The following RAB3C variants were observed in gnomAD, a reference collection of about 807,000 sequenced individuals.
RAB3C encodes ras-related protein Rab-3C.
In RAB3C, 17 loss-of-function variants were observed where a neutral mutation model predicts 26.4. The observed-to-expected ratio is 0.64, with a 90% CI of 0.44 to 0.97. The LOEUF (loss-of-function observed/expected upper bound fraction) is 0.97. RAB3C is among the 50% of genes least tolerant of loss of function. The probability of loss-of-function intolerance (pLI) is 0.00; values close to 1 mark genes in which losing one functional copy is unlikely to be tolerated. For missense variants in RAB3C, 242 were observed against 281.9 expected, an observed-to-expected ratio of 0.86 and a Z score of 1.01; for synonymous variants, 91 against 95.9, an observed-to-expected ratio of 0.95 and a Z score of 0.30.
intron 3 of RAB3C, among the ~76,000 whole-genome samples, chr5:58,816,765 C>T (rs762195167): frequency 5.9e-5 from 9 of 152,074 alleles, no homozygotes; most frequent in Admixed American, 1.3e-4. Flanking sequence ...TTTAAAAGCC[C>T]GTATCAGAAT....
intron 2 of RAB3C, among the ~76,000 whole-genome samples, chr5:58,648,008 T>A (rs1747563745): frequency 6.6e-6 from 1 of 152,246 alleles, no homozygotes; most frequent in Non-Finnish European, 1.5e-5. Flanking sequence ...TTTTAGATTA[T>A]AAAAACCACA....
At chr5:58,835,788 G>C (rs1307341423) in intron 4 of RAB3C, among the ~76,000 whole-genome samples, 4 of 152,128 alleles carry the variant, frequency 2.6e-5, no homozygotes, top group Non-Finnish European at 5.9e-5. Context: ...ATTAAAGTCA[G>C]ATATAAGAAA....
At chr5:58,649,772 C>G (rs566801689) in intron 2 of RAB3C, among the ~76,000 whole-genome samples, 1 of 152,066 alleles carries the variant, frequency 6.6e-6, no homozygotes, top group Non-Finnish European at 1.5e-5. Context: ...TCTGGGTGAC[C>G]AATATTATCT....
intron 2 of RAB3C, among the ~76,000 whole-genome samples, chr5:58,720,535 T>C (rs1561299868): frequency 6.6e-6 from 1 of 151,878 alleles, no homozygotes; most frequent in African/African-American, 2.4e-5. Context: ...ATTTATTCTA[T>C]TTCACTTCTT....
At chr5:58,756,347 T>TATATATA (rs1554051232) in intron 3 of RAB3C, among the ~76,000 whole-genome samples, 1 of 136,276 alleles carries the variant, frequency 7.3e-6, no homozygotes, top group African/African-American at 3.0e-5. Context: ...CATATATATG[T>TATATATA]TATATATATA....
chr5:58,760,130 G>C (rs898132475), intron 3 of RAB3C, among the ~76,000 whole-genome samples: 5 of 152,106 alleles, frequency 3.3e-5, no homozygotes, highest in African/African-American at 1.2e-4. Context: ...CCATTCACTA[G>C]ATCATGATGG....
At chr5:58,767,588 C>G (rs550307492) in intron 3 of RAB3C, among the ~76,000 whole-genome samples, 1 of 152,206 alleles carries the variant, frequency 6.6e-6, no homozygotes, top group South Asian at 2.1e-4. Context: ...AACATTTCCT[C>G]TTTTTTTGGC....
chr5:58,655,340 A>C (rs1204332637), intron 2 of RAB3C, among the ~76,000 whole-genome samples: 1 of 152,242 alleles, frequency 6.6e-6, no homozygotes, highest in Non-Finnish European at 1.5e-5. Flanking sequence ...AAAAACAAAG[A>C]TGGGACAAGT....
intron 1 of RAB3C, among the ~76,000 whole-genome samples, chr5:58,609,500 G>A (rs1746649063): frequency 6.6e-6 from 1 of 152,104 alleles, no homozygotes; most frequent in Admixed American, 6.6e-5. Context: ...TACATGTAAA[G>A]CACATAGAGC....
At chr5:58,655,310 A>AGT (rs1747744367) in intron 2 of RAB3C, among the ~76,000 whole-genome samples, 1 of 152,384 alleles carries the variant, frequency 6.6e-6, no homozygotes, top group South Asian at 2.1e-4. Context: ...AAGGTTTTGC[A>AGT]GTGACCAATG....
At chr5:58,684,290 G>C (rs1748402763) in intron 2 of RAB3C, among the ~76,000 whole-genome samples, 1 of 152,174 alleles carries the variant, frequency 6.6e-6, no homozygotes, top group Non-Finnish European at 1.5e-5. Flanking sequence ...ACTTGAGCCT[G>C]TACAGATTTC....
At chr5:58,638,411 G>C (rs5011219) in intron 2 of RAB3C, among the ~76,000 whole-genome samples, 17,811 of 151,462 alleles carry the variant, frequency 0.12, 1,337 homozygotes, top group Non-Finnish European at 0.16. Flanking sequence ...TTTGCATTTT[G>C]TTTATGGCAT....
At chr5:58,844,678 G>A (rs1434695709) in intron 4 of RAB3C, among the ~76,000 whole-genome samples, 1 of 152,008 alleles carries the variant, frequency 6.6e-6, no homozygotes, top group African/African-American at 2.4e-5. Flanking sequence ...ACTAGAATCT[G>A]GAAAAAGAAG....
At chr5:58,644,129 T>C (rs1344328209) in intron 2 of RAB3C, among the ~76,000 whole-genome samples, 2 of 152,222 alleles carry the variant, frequency 1.3e-5, no homozygotes, top group East Asian at 3.9e-4. Context: ...CGAGCAATAC[T>C]GGTTTTATTT....
intron 2 of RAB3C, among the ~76,000 whole-genome samples, chr5:58,707,725 A>G (rs1257803536): frequency 6.6e-6 from 1 of 152,206 alleles, no homozygotes; most frequent in Non-Finnish European, 1.5e-5. Flanking sequence ...CTACTAAGGG[A>G]GAACTTCTGA....
At position 58,854,852 on chromosome 5, in the gene RAB3C, A is replaced by G. The variant is rs1744225101; in HGVS notation, c.*3501A>G. 6.6e-6 allele frequency: 1 copy of G among 152,052 alleles called. No individual in the cohort carries two copies. The highest frequency in any genetic ancestry group is 6.5e-5 in the Admixed American group (1 of 15,268). 9.4% of individuals were successfully genotyped at this position (152,052 alleles called of 1,614,324 possible). On this transcript the variant is annotated 3_prime_UTR_variant, in exon 5 of 5. Coordinates refer to ENST00000282878, the MANE Select transcript of RAB3C (RefSeq NM_138453.4). Reference sequence around the variant, plus strand: ...CAAAACACTCAGTAAACAAATATATATATTTCACCTACTTAAATCTTATTC... The same window carrying G: ...CAAAACACTCAGTAAACAAATATATGTATTTCACCTACTTAAATCTTATTC...
chr5:58,624,114 A>G (rs1579823043), intron 2 of RAB3C, among the ~76,000 whole-genome samples: 1 of 152,288 alleles, frequency 6.6e-6, no homozygotes, highest in East Asian at 1.9e-4. Flanking sequence ...ATTGAATCCA[A>G]TACTTGTTGG....
At chr5:58,759,899 G>A (rs1741757118) in intron 3 of RAB3C, among the ~76,000 whole-genome samples, 1 of 152,158 alleles carries the variant, frequency 6.6e-6, no homozygotes, top group Admixed American at 6.5e-5. Flanking sequence ...CAAATTTACA[G>A]GACGAAAATT....
intron 3 of RAB3C, among the ~76,000 whole-genome samples, chr5:58,799,620 G>T (rs899153227): frequency 6.6e-6 from 1 of 152,126 alleles, no homozygotes; most frequent in Non-Finnish European, 1.5e-5. Flanking sequence ...ATTGGGTTTG[G>T]TTTGCAGTTG....
Sources: gnomAD v4.1 joint callset for allele counts (sites outside exome capture counted in the v4.1 genomes callset) on GRCh38, gnomAD v4.1.1 for gene constraint, MANE v1.5 for transcripts, NCBI Gene and HGNC (gene_info 2026-07-23, HGNC 2026-07-21) for gene names.